Variants in CLCN3 observed in about 807,000 individuals in gnomAD.
The protein encoded by CLCN3 is H(+)/Cl(-) exchange transporter 3.
A neutral mutation model predicts 83.4 loss-of-function variants in CLCN3; 16 were observed. The ratio of observed to expected loss-of-function variants is 0.19; its 90% confidence interval spans 0.13 to 0.29. The LOEUF (loss-of-function observed/expected upper bound fraction) is 0.29. Among genes scored for constraint, CLCN3 ranks in the 10% least tolerant of loss-of-function variants. The pLI is 1.00. For synonymous variants in CLCN3, 322 were observed against 346.2 expected, an observed-to-expected ratio of 0.93 and a Z score of 0.78; for missense variants, 544 against 1,006.0, an observed-to-expected ratio of 0.54 and a Z score of 6.21.
At chr4:169,622,925 C>T (rs559024109) in intron 1 of CLCN3, among the ~76,000 whole-genome samples, 95 of 152,302 alleles carry the variant, frequency 6.2e-4, no homozygotes, top group African/African-American at 2.1e-3. Flanking sequence ...TACTCATAAT[C>T]TTACTACTCT....
intron 2 of CLCN3, among the ~76,000 whole-genome samples, chr4:169,639,851 T>TG (rs1730355728): frequency 6.6e-6 from 1 of 152,170 alleles, no homozygotes; most frequent in African/African-American, 2.4e-5. Context: ...ACTGATAGTG[T>TG]TTTTTTGAAT....
intron 2 of CLCN3, among the ~76,000 whole-genome samples, chr4:169,679,643 C>T (rs904729013): frequency 6.6e-6 from 1 of 152,198 alleles, no homozygotes; most frequent in Non-Finnish European, 1.5e-5. Context: ...AATCCCGGCA[C>T]CTTGGGAGGC....
chr4:169,620,783 G>C lies in CLCN3; in HGVS notation c.-297G>C. ...TTGGAGATTTTTATTTTTAATTTTG[G>C]GCAGAAGCAGGTTGACTCTAGGGAT... On this transcript the variant is annotated 5_prime_UTR_variant, in exon 1 of 13. Coordinates refer to ENST00000513761, the MANE Select transcript of CLCN3 (RefSeq NM_001829.4). 2.5e-6 allele frequency: 1 copy of C among 398,584 alleles called. No homozygotes were observed. The highest frequency in any genetic ancestry group is 4.4e-6 in the Non-Finnish European group (1 of 226,086). The allele number at this position is 398,584 out of a possible 1,614,324, so 24.7% of individuals were successfully genotyped here.
intron 1 of CLCN3, among the ~76,000 whole-genome samples, chr4:169,629,219 T>C (rs1352410252): frequency 1.3e-5 from 2 of 152,318 alleles, no homozygotes; most frequent in East Asian, 1.9e-4. Context: ...GATTGTGATA[T>C]TGTACTATAG....
chr4:169,703,932 G>T, intron 9 of CLCN3, 66 bp from the exon 10 acceptor site: 1 of 1,436,370 alleles, frequency 7.0e-7, no homozygotes, highest in Non-Finnish European at 9.7e-7. Context: ...TAAATGCATA[G>T]AATGTAAGTT....
chr4:169,693,109 A>T (rs1732433900), intron 7 of CLCN3, among the ~76,000 whole-genome samples: 2 of 152,214 alleles, frequency 1.3e-5, no homozygotes, highest in Non-Finnish European at 2.9e-5. Flanking sequence ...ATCTCATTAA[A>T]TACTGGCAGA....
At chr4:169,654,084 T>A (rs1730813717) in intron 2 of CLCN3, among the ~76,000 whole-genome samples, 2 of 152,320 alleles carry the variant, frequency 1.3e-5, no homozygotes, top group South Asian at 4.1e-4. Flanking sequence ...CTGATACATA[T>A]ATGAAGGGCT....
chr4:169,712,794 A>G lies in CLCN3; in HGVS notation c.2150-285A>G, dbSNP rs572486395. On this transcript the variant is annotated intron_variant, in intron 11 of 12. Coordinates refer to ENST00000513761, the MANE Select transcript of CLCN3 (RefSeq NM_001829.4). Reference sequence around the variant, plus strand: ...AACCCACTTCCTTAGCCCCCAAGTTAGAAAACAGCTTCAGTAAAGAAAATT... The same window carrying G: ...AACCCACTTCCTTAGCCCCCAAGTTGGAAAACAGCTTCAGTAAAGAAAATT... Among the ~76,000 whole-genome samples, 14 of 152,358 alleles carry G rather than the reference A, an allele frequency of 9.2e-5. No homozygotes were observed. The East Asian group carries it at 2.7e-3, about 29-fold the overall frequency.
chr4:169,639,538 C>T (rs1030513374), intron 2 of CLCN3, among the ~76,000 whole-genome samples: 2 of 152,144 alleles, frequency 1.3e-5, no homozygotes, highest in African/African-American at 4.8e-5. Context: ...GAAGATCCAG[C>T]AATAGGGATA....
chr4:169,656,508 C>T (rs964217000), intron 2 of CLCN3, among the ~76,000 whole-genome samples: 6 of 152,104 alleles, frequency 3.9e-5, no homozygotes, highest in African/African-American at 1.4e-4. Context: ...CTCCAGGCCC[C>T]GCCTCCAACA....
In CLCN3 at chr4:169,679,783, G is replaced by T. The variant is rs181326884; in HGVS notation, c.161-267G>T. On this transcript the variant is annotated intron_variant, in intron 2 of 12. Coordinates refer to ENST00000513761, the MANE Select transcript of CLCN3 (RefSeq NM_001829.4). ...CGCGTGCCTGCAATCCCAGGCACTCGGCAGGCTGAGGCAGGAGAATCAGGC... is the reference window on the plus strand; with the variant it reads ...CGCGTGCCTGCAATCCCAGGCACTCTGCAGGCTGAGGCAGGAGAATCAGGC... Among the ~76,000 whole-genome samples, 101 of 152,222 alleles carry T rather than the reference G, an allele frequency of 6.6e-4. 1 individual carries two copies. Among genetic ancestry groups the T allele is most frequent in the Middle Eastern group, 3.4e-3 (1 of 294 alleles).
intron 1 of CLCN3, 21 bp downstream of exon 1, chr4:169,621,084 G>T: frequency 2.5e-6 from 1 of 396,602 alleles, no homozygotes; most frequent in East Asian, 3.6e-5. Flanking sequence ...TTGTATGAGC[G>T]AAGAGTTGTC....
rs564857112 is a variant in CLCN3, at chr4:169,712,021, AT to A, written c.2150-1036del. Reference sequence around the variant, plus strand: ...TTGGGACCACCAGCATGCTTGGCCGATTTTTTTTTTTTTTTTTTTTTTGTAG... The same window carrying A: ...TTGGGACCACCAGCATGCTTGGCCGATTTTTTTTTTTTTTTTTTTTTGTAG... On this transcript the variant is annotated intron_variant, in intron 11 of 12. Coordinates refer to ENST00000513761, the MANE Select transcript of CLCN3 (RefSeq NM_001829.4). 4.1e-3 allele frequency among the ~76,000 whole-genome samples: 471 copies of A among 114,954 alleles called. 1 individual carries two copies. Among genetic ancestry groups the A allele is most frequent in the East Asian group, 0.02 (75 of 3,808 alleles). The allele number at this position is 114,954 out of a possible 152,430, so 75.4% of individuals were successfully genotyped here. A position where few individuals can be genotyped will look rare whatever the true frequency, so the allele number is the denominator to read the frequency against.
At chr4:169,660,777 T>C (rs1312488556) in intron 2 of CLCN3, among the ~76,000 whole-genome samples, 2 of 152,324 alleles carry the variant, frequency 1.3e-5, no homozygotes, top group Admixed American at 6.5e-5. Flanking sequence ...TAAAAAGTAA[T>C]GTTTTTCTTC....
chr4:169,651,864 A>G (rs1730740956), intron 2 of CLCN3, among the ~76,000 whole-genome samples: 2 of 152,196 alleles, frequency 1.3e-5, no homozygotes. Context: ...TGGAAAAACC[A>G]GCACCTTAGA....
At chr4:169,679,638 C>T (rs567157556) in intron 2 of CLCN3, among the ~76,000 whole-genome samples, 4 of 152,322 alleles carry the variant, frequency 2.6e-5, no homozygotes, top group African/African-American at 9.6e-5. Context: ...TCTGCAATCC[C>T]GGCACCTTGG....
intron 1 of CLCN3, among the ~76,000 whole-genome samples, chr4:169,623,760 T>C (rs981868851): frequency 1.3e-5 from 2 of 152,146 alleles, no homozygotes; most frequent in African/African-American, 4.8e-5. Context: ...TGTGAGATCA[T>C]GCAGTATTTG....
chr4:169,705,893 C>T (rs988526263), intron 10 of CLCN3, among the ~76,000 whole-genome samples: 18 of 151,956 alleles, frequency 1.2e-4, no homozygotes, highest in African/African-American at 1.9e-4. Context: ...TAGCCAGGCA[C>T]GATGGCACAT....
intron 2 of CLCN3, among the ~76,000 whole-genome samples, chr4:169,647,076 C>T (rs924308492): frequency 6.6e-6 from 1 of 152,018 alleles, no homozygotes; most frequent in African/African-American, 2.4e-5. Flanking sequence ...GATAGATTAT[C>T]CTGGGTTCAT....
Sources: allele counts gnomAD v4.1 joint callset (sites outside exome capture counted in the v4.1 genomes callset), GRCh38; gene constraint gnomAD v4.1.1; transcripts MANE v1.5; gene names NCBI Gene and HGNC (gene_info 2026-07-23, HGNC 2026-07-21).